Variants in EPHB1 observed in about 807,000 individuals in gnomAD.
EPHB1 encodes the protein ephrin type-B receptor 1.
EPHB1 carries 30 observed loss-of-function variants against 94.4 expected under a neutral mutation model. The observed-to-expected ratio is 0.32, with a 90% confidence interval of 0.24 to 0.43. The LOEUF (loss-of-function observed/expected upper bound fraction) is 0.43. Among genes scored for constraint, EPHB1 ranks in the 20% least tolerant of loss-of-function variants. The pLI is 1.00. For synonymous variants in EPHB1, 522 were observed against 489.1 expected (o/e 1.07, Z -0.89); for missense variants, 1,055 against 1,308.3 (o/e 0.81, Z 2.99).
intron 15 of EPHB1, among the ~76,000 whole-genome samples, chr3:135,256,453 T>G (rs931368172): frequency 2.0e-5 from 3 of 152,282 alleles, no homozygotes; most frequent in East Asian, 1.9e-4. Flanking sequence ...GTCTGTAAAG[T>G]ATTTTATTTC....
chr3:134,871,423 T>C (rs2037497436), intron 1 of EPHB1, among the ~76,000 whole-genome samples: 1 of 151,470 alleles, frequency 6.6e-6, no homozygotes, highest in African/African-American at 2.4e-5. Context: ...GGCACTGGAG[T>C]GAGGGGAAAG....
At chr3:135,016,463 A>G (rs1935798856) in intron 3 of EPHB1, among the ~76,000 whole-genome samples, 1 of 152,222 alleles carries the variant, frequency 6.6e-6, no homozygotes, top group African/African-American at 2.4e-5. Context: ...GAGGAGGGGA[A>G]CAAGTGATCC....
At chr3:135,165,436 G>C (rs1041915237) in intron 7 of EPHB1, among the ~76,000 whole-genome samples, 5 of 152,130 alleles carry the variant, frequency 3.3e-5, no homozygotes, top group Admixed American at 3.3e-4. Flanking sequence ...TTTTCTTCTT[G>C]AGCGGGAACT....
chr3:135,243,595 A>C (rs1002098734), intron 13 of EPHB1, among the ~76,000 whole-genome samples: 1 of 152,194 alleles, frequency 6.6e-6, no homozygotes, highest in Non-Finnish European at 1.5e-5. Flanking sequence ...AGCTTCTTAC[A>C]ACCTGGCCTG....
Position 134,864,830 on chromosome 3 carries a change from G to A in EPHB1, c.59-60986G>A, listed in dbSNP as rs148269853. ...CATTTCCTGCCAGCCCAGGCTGACCGTAGGGGAAGTGAATACAGTCCACAG... is the reference window on the plus strand; with the variant it reads ...CATTTCCTGCCAGCCCAGGCTGACCATAGGGGAAGTGAATACAGTCCACAG... On this transcript the variant is annotated intron_variant, in intron 1 of 15. Transcript: ENST00000398015. 4.6e-5 allele frequency among the ~76,000 whole-genome samples: 7 copies of A among 152,300 alleles called. No homozygotes were observed. In the South Asian group the frequency reaches 8.3e-4, roughly 18 times the overall value.
At chr3:135,120,996 C>T (rs1478598570) in intron 4 of EPHB1, among the ~76,000 whole-genome samples, 2 of 152,162 alleles carry the variant, frequency 1.3e-5, no homozygotes, top group Non-Finnish European at 2.9e-5. Context: ...CCCAGAGGTT[C>T]CATCCTATCT....
intron 1 of EPHB1, among the ~76,000 whole-genome samples, chr3:134,862,545 TTTAA>T (rs1209610380): frequency 6.6e-6 from 1 of 151,792 alleles, no homozygotes; most frequent in Non-Finnish European, 1.5e-5. Flanking sequence ...AGAGTAAAAC[TTTAA>T]TTAAATCAAA....
intron 3 of EPHB1, 85 bp downstream of exon 3, chr3:134,952,137 A>G (rs1933058175): frequency 7.2e-7 from 1 of 1,396,726 alleles, no homozygotes; most frequent in Non-Finnish European, 9.8e-7. Flanking sequence ...TGGGTCATAC[A>G]GGAACAGAAA....
chr3:134,965,018 A>C (rs1933675764), intron 3 of EPHB1, among the ~76,000 whole-genome samples: 2 of 152,248 alleles, frequency 1.3e-5, no homozygotes, highest in Non-Finnish European at 2.9e-5. Context: ...TTTTGTCATC[A>C]AAATGATTAA....
intron 1 of EPHB1, among the ~76,000 whole-genome samples, chr3:134,833,634 G>A (rs1044313372): frequency 1.3e-5 from 2 of 152,194 alleles, no homozygotes; most frequent in African/African-American, 4.8e-5. Flanking sequence ...ATGGGTGCCA[G>A]GACTGAAGGA....
intron 5 of EPHB1, among the ~76,000 whole-genome samples, chr3:135,143,533 T>C (rs1460270699): frequency 6.6e-6 from 1 of 152,068 alleles, no homozygotes; most frequent in Admixed American, 6.5e-5. Flanking sequence ...TGCGGTGGGG[T>C]ATCTCCTGTG....
chr3:135,180,819 G>A (rs115625702), intron 10 of EPHB1, among the ~76,000 whole-genome samples: 8 of 152,294 alleles, frequency 5.3e-5, no homozygotes, highest in Non-Finnish European at 1.2e-4. Flanking sequence ...TTTAAAAGAT[G>A]TGTTAAATTT....
intron 9 of EPHB1, 73 bp from the exon 10 acceptor site, chr3:135,179,787 G>GGGGA: frequency 6.3e-7 from 1 of 1,580,566 alleles, no homozygotes; most frequent in Non-Finnish European, 8.6e-7. Flanking sequence ...CCTTAGTGCT[G>GGGGA]GGGACATCAG....
intron 1 of EPHB1, among the ~76,000 whole-genome samples, chr3:134,823,514 C>G (rs1156603542): frequency 6.6e-6 from 1 of 152,196 alleles, no homozygotes; most frequent in African/African-American, 2.4e-5. Flanking sequence ...GGCTCCGTAA[C>G]AGGAAACTCT....
chr3:135,229,387 G>A (rs1559883212), intron 12 of EPHB1, among the ~76,000 whole-genome samples: 1 of 152,204 alleles, frequency 6.6e-6, no homozygotes, highest in South Asian at 2.1e-4. Flanking sequence ...AGTTCAGGAG[G>A]CCAGAATTGC....
intron 2 of EPHB1, among the ~76,000 whole-genome samples, chr3:134,932,673 C>T (rs2038928931): frequency 2.0e-5 from 3 of 152,098 alleles, no homozygotes; most frequent in African/African-American, 7.2e-5. Flanking sequence ...AAAAGTTTTC[C>T]TTGGTAAACA....
At chr3:134,870,436 C>A (rs937435087) in intron 1 of EPHB1, among the ~76,000 whole-genome samples, 1 of 152,170 alleles carries the variant, frequency 6.6e-6, no homozygotes, top group African/African-American at 2.4e-5. Context: ...GGAAGTAGCC[C>A]CAGTTCACAA....
At chr3:135,119,787 A>G (rs1242942345) in intron 4 of EPHB1, among the ~76,000 whole-genome samples, 1 of 151,910 alleles carries the variant, frequency 6.6e-6, no homozygotes, top group Non-Finnish European at 1.5e-5. Context: ...TATGGTGTTT[A>G]TGTTTAGTTC....
At chr3:135,146,224 G>A (rs1341652887) in intron 5 of EPHB1, among the ~76,000 whole-genome samples, 2 of 152,212 alleles carry the variant, frequency 1.3e-5, no homozygotes, top group Admixed American at 1.3e-4. Context: ...GGCCGGCAAG[G>A]TCAAGAAAAG....
Sources: allele counts gnomAD v4.1 joint callset (sites outside exome capture counted in the v4.1 genomes callset), GRCh38; gene constraint gnomAD v4.1.1; transcripts MANE v1.5; gene names NCBI Gene and HGNC (gene_info 2026-07-23, HGNC 2026-07-21).